MTMR7: variants seen among roughly 807,000 people sequenced by gnomAD.
The protein encoded by MTMR7 is phosphatidylinositol-3-phosphate phosphatase MTMR7.
Under a neutral mutation model 81.2 loss-of-function variants are expected in MTMR7, and 76 were observed. That is an observed-to-expected ratio of 0.94 (90% CI 0.78 to 1.13). The LOEUF (loss-of-function observed/expected upper bound fraction) is 1.13. Among genes scored for constraint, MTMR7 ranks in the 50% most tolerant of loss-of-function variants. The pLI is 0.00. For synonymous variants in MTMR7, 372 were observed against 289.8 expected (o/e 1.28, Z -2.88); for missense variants, 1,044 against 820.0 (o/e 1.27, Z -3.34).
chr8:17,390,830 G>T (rs1821084135), intron 1 of MTMR7, among the ~76,000 whole-genome samples: 1 of 152,166 alleles, frequency 6.6e-6, no homozygotes, highest in Admixed American at 6.5e-5. Flanking sequence ...CCGCTTACCA[G>T]AGTAGTAAGG....
At chr8:17,343,428 G>A (rs947759660) in intron 5 of MTMR7, among the ~76,000 whole-genome samples, 120 of 146,412 alleles carry the variant, frequency 8.2e-4, no homozygotes, top group African/African-American at 2.9e-3. Context: ...ACTCCATCTC[G>A]AAAAAAAAAA....
At chr8:17,301,662 G>C (rs1479048010) in intron 13 of MTMR7, 1 of 154,818 alleles carries the variant, frequency 6.5e-6, no homozygotes, top group Non-Finnish European at 1.4e-5. Context: ...TATCCAATTA[G>C]GAAAAGCATT....
intron 12 of MTMR7, 51 bp downstream of exon 12, chr8:17,304,328 C>A (rs1189699980): frequency 2.5e-6 from 4 of 1,586,478 alleles, no homozygotes; most frequent in Non-Finnish European, 3.5e-6. Flanking sequence ...TTAAACGGTA[C>A]CAGAATCCAA....
intron 1 of MTMR7, among the ~76,000 whole-genome samples, chr8:17,405,335 G>A (rs1263244950): frequency 2.0e-5 from 3 of 152,226 alleles, no homozygotes; most frequent in South Asian, 2.1e-4. Flanking sequence ...AAGGACATTC[G>A]TATTCCTGTA....
chr8:17,405,836 AC>A (rs1242789392), intron 1 of MTMR7, among the ~76,000 whole-genome samples: 1 of 262 alleles, frequency 3.8e-3, no homozygotes, highest in Non-Finnish European at 0.018. Context: ...CCAAAACTAT[AC>A]ACACACACAC....
At chr8:17,326,242 T>C (rs868451806) in intron 7 of MTMR7, 16 of 152,194 alleles carry the variant, frequency 1.1e-4, no homozygotes, top group African/African-American at 3.4e-4. Flanking sequence ...CACTTACTAT[T>C]TTGAGCTGAA....
intron 5 of MTMR7, among the ~76,000 whole-genome samples, chr8:17,344,387 G>A (rs966160673): frequency 6.6e-6 from 1 of 152,194 alleles, no homozygotes; most frequent in African/African-American, 2.4e-5. Context: ...CAAGGCAGGT[G>A]CATCACCTGA....
At chr8:17,389,940 C>A (rs953355421) in intron 1 of MTMR7, among the ~76,000 whole-genome samples, 4 of 152,010 alleles carry the variant, frequency 2.6e-5, no homozygotes, top group African/African-American at 9.7e-5. Flanking sequence ...ATTTATTGTG[C>A]ACCTTTACTC....
chr8:17,344,161 A>C (rs1292116835), intron 5 of MTMR7, among the ~76,000 whole-genome samples: 1 of 152,252 alleles, frequency 6.6e-6, no homozygotes, highest in Admixed American at 6.5e-5. Flanking sequence ...TGACCAAAGC[A>C]CAGAGAGGTT....
intron 1 of MTMR7, among the ~76,000 whole-genome samples, chr8:17,392,800 T>C (rs1247229683): frequency 6.6e-6 from 1 of 152,162 alleles, no homozygotes; most frequent in African/African-American, 2.4e-5. Flanking sequence ...GGTGAATGAG[T>C]AGGTCAAATG....
At chr8:17,314,078 A>G (rs1391018441) in intron 7 of MTMR7, among the ~76,000 whole-genome samples, 1 of 152,202 alleles carries the variant, frequency 6.6e-6, no homozygotes, top group Non-Finnish European at 1.5e-5. Flanking sequence ...CAGGTGTATA[A>G]ACACCTCTAT....
intron 7 of MTMR7, among the ~76,000 whole-genome samples, chr8:17,320,094 C>A (rs756603): frequency 6.6e-6 from 1 of 151,614 alleles, no homozygotes; most frequent in Non-Finnish European, 1.5e-5. Flanking sequence ...TTGGGATAGA[C>A]GGGGTTAAAT....
chr8:17,309,266 A>G lies in MTMR7; in HGVS notation c.1151+11T>C, dbSNP rs1215549555. ...TTCTAAACATTCAAAACAGTCTTAA[A>G]TATTACTTACCGGTGATTAAACTTA... On this transcript the variant is annotated intron_variant, in intron 10 of 13. Coordinates refer to ENST00000180173, the MANE Select transcript of MTMR7 (RefSeq NM_004686.5). 2.7e-6 allele frequency: 4 copies of G among 1,499,716 alleles called. No individual in the cohort carries two copies. The highest frequency in any genetic ancestry group is 2.8e-6 in the Non-Finnish European group (3 of 1,078,178). 92.9% of individuals were successfully genotyped at this position (1,499,716 alleles called of 1,614,324 possible).
chr8:17,332,188 C>A (rs982002168), intron 6 of MTMR7, among the ~76,000 whole-genome samples: 1 of 151,908 alleles, frequency 6.6e-6, no homozygotes, highest in Non-Finnish European at 1.5e-5. Context: ...AGGGCTAACC[C>A]AGGCAGAGAA....
chr8:17,300,800 T>C (rs540144104), intron 13 of MTMR7, among the ~76,000 whole-genome samples: 2 of 152,250 alleles, frequency 1.3e-5, no homozygotes, highest in Non-Finnish European at 2.9e-5. Flanking sequence ...CCCTGGCTAC[T>C]ACTGATCAAC....
chr8:17,387,489 CTAGA>C (rs1820980346), intron 1 of MTMR7, among the ~76,000 whole-genome samples: 1 of 152,164 alleles, frequency 6.6e-6, no homozygotes, highest in African/African-American at 2.4e-5. Context: ...ATGAATATAT[CTAGA>C]CTGTTTTGTT....
chr8:17,407,850 A>G (rs1296701795), intron 1 of MTMR7, among the ~76,000 whole-genome samples: 2 of 152,214 alleles, frequency 1.3e-5, no homozygotes, highest in Non-Finnish European at 2.9e-5. Flanking sequence ...ATAAAAGAAG[A>G]GATAACCCTT....
At chr8:17,323,764 C>A (rs1818529993) in intron 7 of MTMR7, among the ~76,000 whole-genome samples, 1 of 152,116 alleles carries the variant, frequency 6.6e-6, no homozygotes, top group Admixed American at 6.5e-5. Context: ...TGCCAAACCC[C>A]ACCTAGAGCC....
At chr8:17,313,216 T>C in intron 8 of MTMR7, 76 bp downstream of exon 8, 7 of 1,066,106 alleles carry the variant, frequency 6.6e-6, no homozygotes, top group East Asian at 2.4e-5. Flanking sequence ...GGGAAGCCCA[T>C]GGCAGAGGGA....
Sources: gnomAD v4.1 joint callset for allele counts (sites outside exome capture counted in the v4.1 genomes callset) on GRCh38, gnomAD v4.1.1 for gene constraint, MANE v1.5 for transcripts, NCBI Gene and HGNC (gene_info 2026-07-23, HGNC 2026-07-21) for gene names.